The following NIPAL1 variants were observed in gnomAD, a reference collection of about 807,000 sequenced individuals.
The protein encoded by NIPAL1 is NIPA like domain containing 1.
In NIPAL1, 35 loss-of-function variants were observed where a neutral mutation model predicts 37.7. The observed-to-expected ratio is 0.93, with a 90% CI of 0.71 to 1.23. The LOEUF (loss-of-function observed/expected upper bound fraction) is 1.23. Ranked by LOEUF, NIPAL1 falls within the 50% of genes most tolerant of loss-of-function variation. The pLI, the probability that NIPAL1 is intolerant of heterozygous loss-of-function variation, is 0.00. For missense variants in NIPAL1, 412 were observed against 473.9 expected (o/e 0.87, Z 1.21); for synonymous variants, 162 against 183.0 (o/e 0.89, Z 0.93).
chr4:48,032,859 T>A, intron 3 of NIPAL1, 134 bp from the exon 4 acceptor site: 1 of 583,558 alleles, frequency 1.7e-6, no homozygotes, highest in Non-Finnish European at 3.1e-6. Context: ...CTATAAAACA[T>A]GTTACATCAT....
rs557923876 is a variant in NIPAL1, at chr4:48,017,602, G to T, written c.46+717G>T. On this transcript the variant is annotated intron_variant, in intron 1 of 5. Transcript: ENST00000295461. ...CCTGAGCCCCGTGAAATCTCTGGGC[G>T]AGGCTCCTTGCCCTTCGCCAAGTGT... Among the ~76,000 whole-genome samples, 6 of 152,286 alleles carry T rather than the reference G, an allele frequency of 3.9e-5. No individual in the cohort carries two copies. In the South Asian group the frequency reaches 1.2e-3, roughly 32 times the overall value.
In NIPAL1 at chr4:48,035,767, C is replaced by T; in HGVS notation, c.828C>T (p.Val276=). The T allele has an allele frequency of 6.2e-7, 1 of 1,614,164 alleles. No individual in the cohort carries two copies. The highest frequency in any genetic ancestry group is 8.5e-7 in the Non-Finnish European group (1 of 1,179,994). Residue 276 remains valine, a synonymous_variant, in exon 6 of 6, where the codon GTC becomes GTT. Transcript: ENST00000295461. ...AGCCAGTTTACAAACATCCGCTGGT[C>T]TTTGTTTTGCTGGCTGTACTTGTGC... is the stretch of plus-strand genomic sequence containing the variant. ...EWKPVYKHPL[V]FVLLAVLVLS...
Position 48,024,530 on chromosome 4 carries a change from C to G in NIPAL1, c.47-538C>G, listed in dbSNP as rs114465865. ...TCCTGGGATCAAGCAATCATCCCAC[C>G]TTGGCCTCCCAAAATGCTGGGATTA... On this transcript the variant is annotated intron_variant, in intron 1 of 5. Coordinates refer to ENST00000295461, the MANE Select transcript of NIPAL1 (RefSeq NM_207330.3). Among the ~76,000 whole-genome samples, 1,061 of 152,300 alleles carry G rather than the reference C, an allele frequency of 7.0e-3. 14 individuals carry two copies. Among genetic ancestry groups the G allele is most frequent in the African/African-American group, 0.024 (992 of 41,558 alleles).
intron 1 of NIPAL1, among the ~76,000 whole-genome samples, chr4:48,023,049 T>G (rs1400835033): frequency 6.6e-6 from 1 of 152,074 alleles, no homozygotes. Context: ...TTGAGTTTAT[T>G]CTGGATTTCT....
intron 3 of NIPAL1, among the ~76,000 whole-genome samples, chr4:48,031,286 A>G (rs1326716978): frequency 6.6e-6 from 1 of 152,152 alleles, no homozygotes; most frequent in Non-Finnish European, 1.5e-5. Flanking sequence ...GCTGGTCTCG[A>G]ACTCCTGACC....
intron 4 of NIPAL1, among the ~76,000 whole-genome samples, chr4:48,034,534 T>C (rs180837051): frequency 1.3e-3 from 196 of 152,344 alleles, no homozygotes; most frequent in Non-Finnish European, 1.7e-3. Context: ...GGCATACATA[T>C]TCTAAATGTA....
intron 1 of NIPAL1, among the ~76,000 whole-genome samples, chr4:48,018,193 G>C (rs941572446): frequency 1.5e-4 from 23 of 152,236 alleles, no homozygotes; most frequent in African/African-American, 5.5e-4. Flanking sequence ...TTATTTCCTA[G>C]AGAGTCAGGT....
In NIPAL1 at chr4:48,017,831, A is replaced by G. The variant is rs1481021157; in HGVS notation, c.46+946A>G. Reference sequence around the variant, plus strand: ...TGAAAGGCATGGTAAGAACTACTATATATATACACATATATATATAGTTCC... The same window carrying G: ...TGAAAGGCATGGTAAGAACTACTATGTATATACACATATATATATAGTTCC... On this transcript the variant is annotated intron_variant, in intron 1 of 5. Transcript: ENST00000295461. Among the ~76,000 whole-genome samples, 5 of 145,914 alleles carry G rather than the reference A, an allele frequency of 3.4e-5. No individual in the cohort carries two copies. The East Asian group carries it at 7.9e-4, about 23-fold the overall frequency.
intron 2 of NIPAL1, among the ~76,000 whole-genome samples, chr4:48,029,203 G>A (rs148554946): frequency 2.1e-4 from 32 of 152,156 alleles, no homozygotes; most frequent in Middle Eastern, 6.8e-3. Context: ...AAGAAAATGT[G>A]GTATAATTAT....
intron 5 of NIPAL1, 130 bp downstream of exon 5, chr4:48,035,171 A>G (rs1715899097): frequency 1.3e-6 from 1 of 757,240 alleles, no homozygotes; most frequent in Non-Finnish European, 2.2e-6. Context: ...AGACACAGTG[A>G]GGTTTGATTA....
intron 1 of NIPAL1, among the ~76,000 whole-genome samples, chr4:48,018,127 C>T (rs1715487744): frequency 6.6e-6 from 1 of 152,090 alleles, no homozygotes; most frequent in Non-Finnish European, 1.5e-5. Flanking sequence ...GCAATAACGC[C>T]TGAACAACTC....
At position 48,036,353 on chromosome 4, in the gene NIPAL1, C is replaced by T; in HGVS notation, c.*181C>T. 1 of 564,460 alleles carries T rather than the reference C, an allele frequency of 1.8e-6. No individual in the cohort carries two copies. Among genetic ancestry groups the T allele is most frequent in the South Asian group, 2.4e-5 (1 of 41,272 alleles). 35.0% of individuals were successfully genotyped at this position (564,460 alleles called of 1,614,324 possible). A position where few individuals can be genotyped will look rare whatever the true frequency, so the allele number is the denominator to read the frequency against. ...GAATTTGAAAATCAAATTGATTATC[C>T]TCCAGAATCTCTACAAACTTTGAAA... is the stretch of plus-strand genomic sequence containing the variant. On this transcript the variant is annotated 3_prime_UTR_variant, in exon 6 of 6. Transcript: ENST00000295461.
intron 3 of NIPAL1, among the ~76,000 whole-genome samples, chr4:48,032,385 G>A (rs1230700021): frequency 6.6e-6 from 1 of 152,188 alleles, no homozygotes; most frequent in Admixed American, 6.5e-5. Flanking sequence ...CAAGTCTAGA[G>A]TTCCTCAGAT....
In NIPAL1 at chr4:48,031,212, A is replaced by C. The variant is rs905737393; in HGVS notation, c.370+1036A>C. On this transcript the variant is annotated intron_variant, in intron 3 of 5. Coordinates refer to ENST00000295461, the MANE Select transcript of NIPAL1 (RefSeq NM_207330.3). ...CCCGAGTACCTGGGATTACAGGCAC[A>C]CACCACCACACCCAGCTAATTTTTG... 5.9e-5 allele frequency among the ~76,000 whole-genome samples: 9 copies of C among 151,900 alleles called. No individual in the cohort carries two copies. The East Asian group carries it at 9.7e-4, about 16-fold the overall frequency.
At chr4:48,033,154 C>T in intron 4 of NIPAL1, 71 bp downstream of exon 4, 2 of 955,446 alleles carry the variant, frequency 2.1e-6, no homozygotes, top group Non-Finnish European at 3.3e-6. Context: ...CCATAATAAA[C>T]ATATGGCTAT....
intron 1 of NIPAL1, among the ~76,000 whole-genome samples, chr4:48,021,893 A>G (rs985004031): frequency 2.0e-5 from 3 of 150,868 alleles, no homozygotes; most frequent in South Asian, 2.1e-4. Flanking sequence ...TGGTGTGTAT[A>G]TATATATATA....
chr4:48,025,163 G>A lies in NIPAL1; in HGVS notation c.142G>A (p.Asp48Asn). 6.2e-7 allele frequency: 1 copy of A among 1,614,170 alleles called. No individual in the cohort carries two copies. The highest frequency in any genetic ancestry group is 8.5e-7 in the Non-Finnish European group (1 of 1,180,004). The change falls in exon 2 of 6, where the codon GAC (aspartate) becomes AAC (asparagine). Residue 48 changes from aspartate to asparagine, a missense_variant. Physicochemically the swap from Asp to Asn is conservative, Grantham distance 23. Coordinates refer to ENST00000295461, the MANE Select transcript of NIPAL1 (RefSeq NM_207330.3). ...GCTGGCTTCTCCTGTGCTCTACACG[G>A]ACCTGAATTACAGCATAAACAACTT... ...QLLASPVLYTDLNYSINNLSI... is the reference protein window; with the variant it reads ...QLLASPVLYTNLNYSINNLSI...
intron 1 of NIPAL1, 44 bp from the exon 2 acceptor site, chr4:48,025,024 C>T (rs1363780211): frequency 1.9e-6 from 3 of 1,573,102 alleles, no homozygotes; most frequent in African/African-American, 1.4e-5. Flanking sequence ...GCATTAATAC[C>T]TCTCCCTTTC....
intron 2 of NIPAL1, among the ~76,000 whole-genome samples, chr4:48,028,334 C>G (rs1261596353): frequency 6.6e-6 from 1 of 152,040 alleles, no homozygotes; most frequent in Non-Finnish European, 1.5e-5. Flanking sequence ...GAACGGCTAC[C>G]CTATTCAACA....
Sources: gnomAD v4.1 joint callset for allele counts (sites outside exome capture counted in the v4.1 genomes callset) on GRCh38, gnomAD v4.1.1 for gene constraint, MANE v1.5 for transcripts, NCBI Gene and HGNC (gene_info 2026-07-23, HGNC 2026-07-21) for gene names.